Variants in MTMR3 observed in about 807,000 individuals in gnomAD.
MTMR3 encodes myotubularin related protein 3.
Under a neutral mutation model 132.4 loss-of-function variants are expected in MTMR3, and 32 were observed. The ratio of observed to expected loss-of-function variants is 0.24; its 90% CI spans 0.18 to 0.32. The LOEUF is 0.32. MTMR3 is among the 10% of genes least tolerant of loss of function. The probability of loss-of-function intolerance (pLI) is 1.00; values close to 1 mark genes in which losing one functional copy is unlikely to be tolerated. For synonymous variants in MTMR3, 556 were observed against 550.3 expected (o/e 1.01, Z -0.14); for missense variants, 1,216 against 1,489.6 (o/e 0.82, Z 3.02).
At chr22:29,889,050 G>A (rs2349228) in intron 1 of MTMR3, among the ~76,000 whole-genome samples, 140,258 of 152,076 alleles carry the variant, frequency 0.92, 64,747 homozygotes, top group East Asian at 1. Context: ...GAATTGGTAT[G>A]AAGACAAGAT....
At position 30,016,624 on chromosome 22, in the gene MTMR3, T is replaced by C. The variant is rs1172022003; in HGVS notation, c.1600T>C (p.Cys534Arg). The C allele has an allele frequency of 6.2e-7, 1 of 1,614,180 alleles. No homozygotes were observed. The highest frequency in any genetic ancestry group is 8.5e-7 in the Non-Finnish European group (1 of 1,180,022). The change falls in exon 15 of 20, where the codon TGT (cysteine) becomes CGT (arginine). Residue 534 changes from cysteine to arginine, a missense_variant. Cys to Arg is a radical substitution (Grantham distance 180). Transcript: ENST00000401950. ...GGAAAAGCATACTCAGGAACGGACA[T>C]GTTCCGTGTGGTCACTTCTTCGGGC... ...RGEKHTQERT[C>R]SVWSLLRAGN... is the part of the protein sequence containing the mutation.
intron 1 of MTMR3, among the ~76,000 whole-genome samples, chr22:29,929,612 C>T (rs563482371): frequency 2.8e-4 from 42 of 151,940 alleles, no homozygotes; most frequent in Middle Eastern, 3.4e-3. Context: ...CAGGTTCAAG[C>T]GATTCTCCTG....
At chr22:29,961,151 T>C (rs2066303729) in intron 2 of MTMR3, among the ~76,000 whole-genome samples, 1 of 152,136 alleles carries the variant, frequency 6.6e-6, no homozygotes, top group South Asian at 2.1e-4. Flanking sequence ...GAGTATGTAG[T>C]CTTTGGCAAT....
chr22:30,017,863 A>G, intron 15 of MTMR3, 64 bp from the exon 16 acceptor site: 2 of 1,598,512 alleles, frequency 1.3e-6, no homozygotes, highest in South Asian at 1.1e-5. Context: ...CTTGATCCTC[A>G]TTTCCAGACA....
At chr22:29,964,968 A>G (rs959893386) in intron 2 of MTMR3, among the ~76,000 whole-genome samples, 4 of 152,118 alleles carry the variant, frequency 2.6e-5, no homozygotes, top group African/African-American at 7.2e-5. Context: ...TAGTTCTTCA[A>G]AATTATCAAG....
chr22:29,975,604 T>C (rs1163027229), intron 3 of MTMR3, among the ~76,000 whole-genome samples: 1 of 152,160 alleles, frequency 6.6e-6, no homozygotes, highest in Non-Finnish European at 1.5e-5. Context: ...ACAAGTGATG[T>C]GTTTTTTTGT....
intron 2 of MTMR3, among the ~76,000 whole-genome samples, chr22:29,969,462 CT>C (rs1427020407): frequency 6.6e-6 from 1 of 152,084 alleles, no homozygotes; most frequent in African/African-American, 2.4e-5. Flanking sequence ...AATTGGTCTT[CT>C]TTTGCCCCTT....
intron 7 of MTMR3, chr22:29,997,067 A>G (rs2067076863): frequency 2.0e-5 from 3 of 152,252 alleles, no homozygotes; most frequent in Admixed American, 1.3e-4. Flanking sequence ...ATTCCTTGCA[A>G]TTTGTAGACA....
chr22:29,892,603 G>T (rs2064821572), intron 1 of MTMR3, among the ~76,000 whole-genome samples: 1 of 152,118 alleles, frequency 6.6e-6, no homozygotes, highest in South Asian at 2.1e-4. Context: ...ATCTGTGGCT[G>T]CCTGCCCCCC....
In MTMR3 at chr22:29,952,508, T is replaced by C. The variant is rs547787891; in HGVS notation, c.-137-4528T>C. ...TTGTTTTATCTTTTTCAATGCATGGTCATCAATAGGGAAAAAGTCACACTA... is the reference window on the plus strand; with the variant it reads ...TTGTTTTATCTTTTTCAATGCATGGCCATCAATAGGGAAAAAGTCACACTA... On this transcript the variant is annotated intron_variant, in intron 1 of 19. Transcript: ENST00000401950. Among the ~76,000 whole-genome samples the C allele has an allele frequency of 3.3e-5, 5 of 152,180 alleles. No individual in the cohort carries two copies. In the East Asian group the frequency reaches 9.7e-4, roughly 29 times the overall value.
intron 1 of MTMR3, among the ~76,000 whole-genome samples, chr22:29,922,946 TG>T: frequency 6.8e-6 from 1 of 146,970 alleles, no homozygotes; most frequent in Non-Finnish European, 1.5e-5. Flanking sequence ...TGGAGTGCGG[TG>T]GGGTGATCAG....
chr22:29,943,415 G>A (rs1164707712), intron 1 of MTMR3, among the ~76,000 whole-genome samples: 6 of 151,970 alleles, frequency 3.9e-5, no homozygotes, highest in African/African-American at 1.4e-4. Context: ...GGATGGTCTC[G>A]ATCTGACCTC....
rs527612846 is a variant in MTMR3, at chr22:29,901,534, G to C, written c.-138+18175G>C. 4.5e-3 allele frequency among the ~76,000 whole-genome samples: 683 copies of C among 152,266 alleles called. 6 individuals are homozygous for C. The highest frequency in any genetic ancestry group is 0.016 in the African/African-American group (645 of 41,566). On this transcript the variant is annotated intron_variant, in intron 1 of 19. Transcript: ENST00000401950. ...TTGGGAAACACATGTAGTTTTGCAA[G>C]CACCATGATCAAGATACAGAGTAGT...
intron 1 of MTMR3, among the ~76,000 whole-genome samples, chr22:29,927,589 C>T (rs1395988086): frequency 2.0e-5 from 3 of 151,650 alleles, no homozygotes; most frequent in Non-Finnish European, 2.9e-5. Flanking sequence ...GGTGTTTAGC[C>T]GGTACTTCTG....
chr22:30,024,342 A>G (rs2067849941), intron 19 of MTMR3: 1 of 152,246 alleles, frequency 6.6e-6, no homozygotes, highest in Admixed American at 6.5e-5. Context: ...AATTCATGTC[A>G]GGCTTTTGAG....
chr22:29,918,185 G>A (rs1267832521), intron 1 of MTMR3, among the ~76,000 whole-genome samples: 1 of 152,138 alleles, frequency 6.6e-6, no homozygotes, highest in East Asian at 1.9e-4. Flanking sequence ...GAACCTGGAA[G>A]GGAAGTGTTG....
chr22:30,012,414 G>A lies in MTMR3; in HGVS notation c.1168G>A (p.Val390Met), dbSNP rs772900580. 4 of 1,614,078 alleles carry A rather than the reference G, an allele frequency of 2.5e-6. No individual in the cohort carries two copies. The highest frequency in any genetic ancestry group is 1.7e-4 in the Middle Eastern group (1 of 6,058). The change falls in exon 13 of 20, where the codon GTG (valine) becomes ATG (methionine). Residue 390 changes from valine (V) to methionine (M), a missense_variant. Physicochemically the swap from Val to Met is conservative, Grantham distance 21. Coordinates refer to ENST00000401950, the MANE Select transcript of MTMR3 (RefSeq NM_021090.4). ...ESTKWLHHLSVLLKSALLVVH... is the reference protein window; with the variant it reads ...ESTKWLHHLSMLLKSALLVVH... ...CACAAAATGGCTCCATCACTTGTCT[G>A]TGCTTCTGAAATCAGCGCTTCTGGT...
chr22:29,944,802 A>G (rs1239355416), intron 1 of MTMR3, among the ~76,000 whole-genome samples: 1 of 152,124 alleles, frequency 6.6e-6, no homozygotes, highest in Non-Finnish European at 1.5e-5. Flanking sequence ...TAGAACTGTT[A>G]TTTTCAATTG....
chr22:30,004,072 C>G (rs2067227624), intron 9 of MTMR3: 1 of 151,408 alleles, frequency 6.6e-6, no homozygotes, highest in African/African-American at 2.5e-5. Context: ...GATGCCCACT[C>G]TGAATGGAGA....
Sources: gnomAD v4.1 joint callset for allele counts (sites outside exome capture counted in the v4.1 genomes callset) on GRCh38, gnomAD v4.1.1 for gene constraint, MANE v1.5 for transcripts, NCBI Gene and HGNC (gene_info 2026-07-23, HGNC 2026-07-21) for gene names.